BBS9: variants seen among roughly 807,000 people sequenced by gnomAD.
BBS9 encodes the protein Bardet-Biedl syndrome 9, also known as protein PTHB1.
Under a neutral mutation model 117.7 loss-of-function variants are expected in BBS9, and 89 were observed. The ratio of observed to expected loss-of-function variants is 0.76; its 90% CI spans 0.64 to 0.90. BBS9 has a LOEUF of 0.90. Ranked by LOEUF, BBS9 falls within the 40% of genes least tolerant of loss-of-function variation. The pLI, the probability that BBS9 is intolerant of heterozygous loss-of-function variation, is 0.00. For missense variants in BBS9, 982 were observed against 1,042.2 expected (o/e 0.94, Z 0.80); for synonymous variants, 379 against 370.9 (o/e 1.02, Z -0.25).
At chr7:33,531,471 T>A (rs1199607495) in intron 20 of BBS9, among the ~76,000 whole-genome samples, 1 of 152,240 alleles carries the variant, frequency 6.6e-6, no homozygotes, top group East Asian at 1.9e-4. Flanking sequence ...CGCAGCCCAG[T>A]GTTTTGGGGT....
At chr7:33,305,603 T>G (rs565867566) in intron 9 of BBS9, among the ~76,000 whole-genome samples, 1 of 152,272 alleles carries the variant, frequency 6.6e-6, no homozygotes, top group South Asian at 2.1e-4. Context: ...TTGATATGTT[T>G]AGGTTTTGGA....
At chr7:33,415,906 CT>C (rs1831932960) in intron 19 of BBS9, among the ~76,000 whole-genome samples, 1 of 152,138 alleles carries the variant, frequency 6.6e-6, no homozygotes, top group South Asian at 2.1e-4. Flanking sequence ...GCAATCTTGG[CT>C]CGCTGCAGCC....
intron 21 of BBS9, among the ~76,000 whole-genome samples, chr7:33,612,335 G>A (rs1281356134): frequency 2.6e-5 from 4 of 152,046 alleles, no homozygotes; most frequent in Non-Finnish European, 4.4e-5. Context: ...ATCACATGAG[G>A]ATGGATAGAG....
In BBS9 at chr7:33,456,587, A is replaced by C. The variant is rs193109656; in HGVS notation, c.2116-48876A>C. Among the ~76,000 whole-genome samples, 1,314 of 152,024 alleles carry C rather than the reference A, an allele frequency of 8.6e-3. 15 individuals carry two copies. Among genetic ancestry groups the C allele is most frequent in the Non-Finnish European group, 0.015 (1,032 of 67,916 alleles). On this transcript the variant is annotated intron_variant, in intron 19 of 22. Transcript: ENST00000242067. ...TTAAAAAAACAAAACCTGAATTTAAACGAGGACTTTCTTCATTTTTTCCCC... is the reference window on the plus strand; with the variant it reads ...TTAAAAAAACAAAACCTGAATTTAACCGAGGACTTTCTTCATTTTTTCCCC...
chr7:33,253,865 G>A (rs1027543800), intron 5 of BBS9, among the ~76,000 whole-genome samples: 7 of 152,078 alleles, frequency 4.6e-5, no homozygotes, highest in African/African-American at 1.7e-4. Flanking sequence ...ATAATATGAT[G>A]CGTCTGTAAA....
intron 4 of BBS9, among the ~76,000 whole-genome samples, chr7:33,170,588 G>A (rs1474108678): frequency 1.3e-5 from 2 of 151,192 alleles, no homozygotes; most frequent in African/African-American, 2.4e-5. Flanking sequence ...GCATAGTGTT[G>A]GAAGTTCTGG....
rs75957203 is a variant in BBS9, at chr7:33,305,137, TA to T, written c.1016+31197del. ...ACACCCAAGAATGATCAATAAATAT[TA>T]AAAAAAAAAAAAAAAGAAATGATCA... On this transcript the variant is annotated intron_variant, in intron 9 of 22. Transcript: ENST00000242067. Among the ~76,000 whole-genome samples the T allele has an allele frequency of 6.4e-3, 890 of 139,116 alleles. 5 individuals are homozygous for T. The highest frequency in any genetic ancestry group is 0.022 in the East Asian group (102 of 4,740). 91.3% of individuals were successfully genotyped at this position (139,116 alleles called of 152,430 possible).
chr7:33,612,608 G>A (rs1864936480), intron 21 of BBS9, among the ~76,000 whole-genome samples: 1 of 151,862 alleles, frequency 6.6e-6, no homozygotes, highest in Admixed American at 6.6e-5. Context: ...GTATATCATT[G>A]GTCCCTACAG....
At chr7:33,131,728 C>G (rs1584042224) in intron 1 of BBS9, among the ~76,000 whole-genome samples, 1 of 152,142 alleles carries the variant, frequency 6.6e-6, no homozygotes. Context: ...GTGTTCAAGA[C>G]CAGCCTGGGC....
At chr7:33,558,442 A>G (rs1855612505) in intron 21 of BBS9, among the ~76,000 whole-genome samples, 1 of 152,166 alleles carries the variant, frequency 6.6e-6, no homozygotes, top group African/African-American at 2.4e-5. Context: ...TAGACATTCC[A>G]GAGAGAGGGA....
At chr7:33,618,076 A>G (rs956229638) in intron 21 of BBS9, among the ~76,000 whole-genome samples, 1 of 152,194 alleles carries the variant, frequency 6.6e-6, no homozygotes, top group African/African-American at 2.4e-5. Flanking sequence ...ATGGTGTCTC[A>G]TGCCTGTAAT....
intron 19 of BBS9, among the ~76,000 whole-genome samples, chr7:33,472,507 TGACTGC>T (rs1397556944): frequency 2.0e-5 from 3 of 152,114 alleles, no homozygotes; most frequent in East Asian, 3.9e-4. Flanking sequence ...TGAAGCCGGG[TGACTGC>T]TCAGATCTAA....
At chr7:33,515,003 C>T (rs1243062920) in intron 20 of BBS9, among the ~76,000 whole-genome samples, 1 of 152,020 alleles carries the variant, frequency 6.6e-6, no homozygotes, top group Non-Finnish European at 1.5e-5. Flanking sequence ...ACATGAAGTT[C>T]CAAGTAATGG....
intron 9 of BBS9, among the ~76,000 whole-genome samples, chr7:33,314,757 C>G (rs572322846): frequency 6.6e-6 from 1 of 152,194 alleles, no homozygotes; most frequent in Middle Eastern, 3.4e-3. Context: ...CTTGAGAGAG[C>G]GTACAGTCTA....
At chr7:33,491,318 G>A (rs192058549) in intron 19 of BBS9, among the ~76,000 whole-genome samples, 49 of 152,238 alleles carry the variant, frequency 3.2e-4, no homozygotes, top group East Asian at 7.7e-4. Flanking sequence ...TAAATGTGGC[G>A]TATCCTGATT....
At chr7:33,358,026 A>C (rs1307348013) in intron 16 of BBS9, 31 bp downstream of exon 16, 1 of 1,602,960 alleles carries the variant, frequency 6.2e-7, no homozygotes, top group Non-Finnish European at 8.5e-7. Flanking sequence ...TGCCTGCAGC[A>C]TCAAAAATGC....
intron 1 of BBS9, 131 bp from the exon 2 acceptor site, chr7:33,146,111 G>A (rs1055910274): frequency 9.2e-6 from 6 of 654,052 alleles, no homozygotes; most frequent in South Asian, 9.0e-5. Flanking sequence ...TTTCAAATAT[G>A]TGTACAAAAT....
intron 19 of BBS9, among the ~76,000 whole-genome samples, chr7:33,410,900 T>C (rs999915750): frequency 1.6e-4 from 24 of 151,656 alleles, no homozygotes; most frequent in Non-Finnish European, 2.6e-4. Context: ...TCTCGTAAGA[T>C]CCATAGTACT....
intron 21 of BBS9, among the ~76,000 whole-genome samples, chr7:33,602,678 G>C (rs1385152903): frequency 6.6e-6 from 1 of 152,056 alleles, no homozygotes; most frequent in Non-Finnish European, 1.5e-5. Flanking sequence ...GCGGTGAGCC[G>C]AGTTCACGCC....
Sources: allele counts gnomAD v4.1 joint callset (sites outside exome capture counted in the v4.1 genomes callset), GRCh38; gene constraint gnomAD v4.1.1; transcripts MANE v1.5; gene names NCBI Gene and HGNC (gene_info 2026-07-23, HGNC 2026-07-21).